The following STPG2 variants were observed in gnomAD, a reference collection of about 807,000 sequenced individuals.
STPG2 encodes the protein sperm tail PG-rich repeat containing 2.
A neutral mutation model predicts 54.2 loss-of-function variants in STPG2; 56 were observed. That is an observed-to-expected ratio of 1.03 (90% CI 0.83 to 1.29). STPG2 has a LOEUF of 1.29. Among genes scored for constraint, STPG2 ranks in the 50% most tolerant of loss-of-function variants. The probability of loss-of-function intolerance (pLI) is 0.00; values close to 1 mark genes in which losing one functional copy is unlikely to be tolerated. For missense variants in STPG2, 596 were observed against 544.9 expected, an observed-to-expected ratio of 1.09 and a Z score of -0.93; for synonymous variants, 200 against 181.8, an observed-to-expected ratio of 1.10 and a Z score of -0.81.
chr4:97,953,213 A>G (rs1179773454), intron 7 of STPG2, among the ~76,000 whole-genome samples: 1 of 152,176 alleles, frequency 6.6e-6, no homozygotes, highest in African/African-American at 2.4e-5. Flanking sequence ...GTAATGTTCT[A>G]TGGAGGAGCA....
intron 10 of STPG2, among the ~76,000 whole-genome samples, chr4:97,680,624 C>T (rs1177695519): frequency 6.6e-6 from 1 of 151,950 alleles, no homozygotes; most frequent in Non-Finnish European, 1.5e-5. Context: ...CCTTTATTTC[C>T]TTCTCCTGCC....
chr4:98,141,942 G>GAAAA (rs3974892), intron 1 of STPG2, among the ~76,000 whole-genome samples: 10,181 of 96,222 alleles, frequency 0.11, 592 homozygotes, highest in Middle Eastern at 0.15. Context: ...CAGTAGTTGG[G>GAAAA]AAAAAAAAAA....
In STPG2 at chr4:98,053,080, G is replaced by A. The variant is rs557568177; in HGVS notation, c.612+52873C>T. Among the ~76,000 whole-genome samples, 11 of 152,244 alleles carry A rather than the reference G, an allele frequency of 7.2e-5. No individual in the cohort carries two copies. The South Asian group carries it at 2.1e-3, about 29-fold the overall frequency. On this transcript the variant is annotated intron_variant, in intron 5 of 10. Coordinates refer to ENST00000295268, the MANE Select transcript of STPG2 (RefSeq NM_174952.3). ...AGTAGTTCTCAATGGCTGGCTAGTT[G>A]GTTAGTTTTCCTGACAGTTTGTTAG...
intron 4 of STPG2, among the ~76,000 whole-genome samples, chr4:97,445,754 G>A (rs1729205868): frequency 6.6e-6 from 1 of 152,094 alleles, no homozygotes; most frequent in Non-Finnish European, 1.5e-5. Flanking sequence ...TAATAAGCAG[G>A]TTAATGATAT....
chr4:97,820,064 C>T (rs1378845), intron 9 of STPG2, among the ~76,000 whole-genome samples: 2,659 of 152,180 alleles, frequency 0.017, 74 homozygotes, highest in African/African-American at 0.061. Flanking sequence ...GTGCTCCCTT[C>T]ATGTCTCAAC....
intron 5 of STPG2, among the ~76,000 whole-genome samples, chr4:98,070,891 C>T (rs781649247): frequency 2.0e-5 from 3 of 152,048 alleles, no homozygotes; most frequent in Admixed American, 2.0e-4. Context: ...AAATTCCATG[C>T]TCATGGATAG....
chr4:97,537,585 G>T (rs982164453), intron 4 of STPG2, among the ~76,000 whole-genome samples: 1 of 152,170 alleles, frequency 6.6e-6, no homozygotes, highest in African/African-American at 2.4e-5. Context: ...GCTCAAGGAG[G>T]CCTGCCTGCT....
chr4:97,564,488 G>T (rs1732365533), intron 10 of STPG2, among the ~76,000 whole-genome samples: 1 of 152,118 alleles, frequency 6.6e-6, no homozygotes, highest in African/African-American at 2.4e-5. Flanking sequence ...GATGTTAGCT[G>T]GTTATTTTGC....
intron 10 of STPG2, among the ~76,000 whole-genome samples, chr4:97,687,603 G>A (rs944705716): frequency 1.3e-5 from 2 of 152,086 alleles, no homozygotes; most frequent in South Asian, 2.1e-4. Context: ...GCCTCCCAAA[G>A]TGCTGGGATT....
intron 8 of STPG2, among the ~76,000 whole-genome samples, chr4:97,917,755 C>T (rs1490323839): frequency 6.6e-6 from 1 of 152,052 alleles, no homozygotes; most frequent in African/African-American, 2.4e-5. Flanking sequence ...GTGCAGAATA[C>T]AATGTCAAAG....
intron 4 of STPG2, among the ~76,000 whole-genome samples, chr4:97,468,461 C>T (rs572839342): frequency 6.6e-6 from 1 of 152,048 alleles, no homozygotes; most frequent in East Asian, 1.9e-4. Flanking sequence ...ACTGACGTCA[C>T]CTAAATGGGA....
At chr4:98,024,586 T>C (rs900915459) in intron 5 of STPG2, among the ~76,000 whole-genome samples, 3 of 152,214 alleles carry the variant, frequency 2.0e-5, no homozygotes, top group Non-Finnish European at 4.4e-5. Flanking sequence ...CAAGGGTTAA[T>C]TTATACTCTG....
intron 8 of STPG2, among the ~76,000 whole-genome samples, chr4:97,860,467 GTTTTA>G (rs56308311): frequency 0.27 from 37,148 of 138,410 alleles, 5,171 homozygotes; most frequent in Non-Finnish European, 0.32. Flanking sequence ...ATATTCCTAA[GTTTTA>G]TTTTATTTTA....
At chr4:97,904,326 C>T (rs1731310782) in intron 8 of STPG2, among the ~76,000 whole-genome samples, 1 of 152,164 alleles carries the variant, frequency 6.6e-6, no homozygotes, top group South Asian at 2.1e-4. Flanking sequence ...GGAGGCACCC[C>T]CCAGCAGGGG....
chr4:97,864,189 C>T (rs149660998), intron 8 of STPG2, among the ~76,000 whole-genome samples: 19,357 of 152,082 alleles, frequency 0.13, 1,884 homozygotes, highest in African/African-American at 0.26. Context: ...TATTGTATAT[C>T]TAGAAAACCC....
intron 9 of STPG2, among the ~76,000 whole-genome samples, chr4:97,745,263 C>CAA (rs75326963): frequency 0.017 from 1,721 of 101,102 alleles, 31 homozygotes; most frequent in African/African-American, 0.05. Context: ...AACAAAAAAA[C>CAA]AAAAAAAAAA....
rs142787966 is a variant in STPG2, at chr4:98,129,417, C to A, written c.223-825G>T. ...TGCAAGCTATATAGCAGGAAAATAT[C>A]TATGATGTAATGCTAAATGGAAATA... On this transcript the variant is annotated intron_variant, in intron 2 of 10. Coordinates refer to ENST00000295268, the MANE Select transcript of STPG2 (RefSeq NM_174952.3). 4.2e-3 allele frequency among the ~76,000 whole-genome samples: 643 copies of A among 152,108 alleles called. 3 individuals carry two copies. Among genetic ancestry groups the A allele is most frequent in the South Asian group, 0.025 (120 of 4,810 alleles).
At chr4:98,023,314 G>A (rs11097593) in intron 5 of STPG2, among the ~76,000 whole-genome samples, 60,003 of 152,052 alleles carry the variant, frequency 0.39, 12,075 homozygotes, top group Middle Eastern at 0.46. Context: ...TATCAGCAGC[G>A]GTGGCTGCAG....
intron 5 of STPG2, among the ~76,000 whole-genome samples, chr4:98,091,253 T>G (rs1738676339): frequency 6.6e-6 from 1 of 152,048 alleles, no homozygotes; most frequent in Non-Finnish European, 1.5e-5. Context: ...TCCCTCTCTC[T>G]CTCTACTCTC....
Sources: allele counts gnomAD v4.1 joint callset (sites outside exome capture counted in the v4.1 genomes callset), GRCh38; gene constraint gnomAD v4.1.1; transcripts MANE v1.5; gene names NCBI Gene and HGNC (gene_info 2026-07-23, HGNC 2026-07-21).